Variants in LIMCH1 observed in about 807,000 individuals in gnomAD.
LIMCH1 encodes LIM and calponin homology domains-containing protein 1.
In LIMCH1, 113 loss-of-function variants were observed where a neutral mutation model predicts 176.5. The observed-to-expected ratio is 0.64, with a 90% CI of 0.55 to 0.75. LIMCH1 has a LOEUF of 0.75. LIMCH1 is among the 30% of genes least tolerant of loss of function. The pLI is 0.00. For missense variants in LIMCH1, 1,674 were observed against 1,814.9 expected, an observed-to-expected ratio of 0.92 and a Z score of 1.41; for synonymous variants, 619 against 645.9, an observed-to-expected ratio of 0.96 and a Z score of 0.63.
chr4:41,440,692 C>A (rs1368503733), intron 1 of LIMCH1, among the ~76,000 whole-genome samples: 1 of 152,048 alleles, frequency 6.6e-6, no homozygotes, highest in East Asian at 1.9e-4. Flanking sequence ...ACCACCGCGC[C>A]CGGCTAATTT....
intron 2 of LIMCH1, among the ~76,000 whole-genome samples, chr4:41,599,314 A>C (rs1423981329): frequency 2.6e-5 from 4 of 152,246 alleles, no homozygotes; most frequent in Non-Finnish European, 5.9e-5. Context: ...CAAGAAAGAA[A>C]TAGGCACAGA....
intron 1 of LIMCH1, among the ~76,000 whole-genome samples, chr4:41,452,469 C>T (rs1433383234): frequency 6.6e-6 from 1 of 152,206 alleles, no homozygotes; most frequent in Non-Finnish European, 1.5e-5. Flanking sequence ...ACTTATCCTT[C>T]TACCAGTGCT....
chr4:41,630,468 T>A (rs1413437813), intron 9 of LIMCH1, among the ~76,000 whole-genome samples: 2 of 152,248 alleles, frequency 1.3e-5, no homozygotes, highest in Non-Finnish European at 2.9e-5. Context: ...GTAAATAATT[T>A]AAACTTGACT....
intron 1 of LIMCH1, among the ~76,000 whole-genome samples, chr4:41,430,327 A>G (rs1347466273): frequency 6.6e-6 from 1 of 152,290 alleles, no homozygotes; most frequent in Admixed American, 6.5e-5. Flanking sequence ...CAGTGGTGCG[A>G]TCTTGGCTCA....
At chr4:41,670,854 T>C (rs2094992866) in intron 21 of LIMCH1, 2 of 1,527,870 alleles carry the variant, frequency 1.3e-6, no homozygotes, top group Admixed American at 2.0e-5. Context: ...GGGCGATCAA[T>C]GATGTGTGGC....
intron 1 of LIMCH1, among the ~76,000 whole-genome samples, chr4:41,590,615 C>T (rs549467214): frequency 4.6e-5 from 7 of 152,282 alleles, no homozygotes; most frequent in Non-Finnish European, 1.0e-4. Flanking sequence ...CTCCCATTTT[C>T]TCTTCTGTGA....
chr4:41,610,170 A>G (rs2091258942), intron 4 of LIMCH1, among the ~76,000 whole-genome samples: 1 of 152,248 alleles, frequency 6.6e-6, no homozygotes, highest in Admixed American at 6.5e-5. Flanking sequence ...TGAGAAAGCA[A>G]CTAACGCTCC....
At chr4:41,424,934 T>G (rs182862617) in intron 1 of LIMCH1, among the ~76,000 whole-genome samples, 4 of 152,340 alleles carry the variant, frequency 2.6e-5, no homozygotes, top group Admixed American at 2.6e-4. Flanking sequence ...GTCTTTGGTC[T>G]TCCTTCTGGG....
intron 2 of LIMCH1, among the ~76,000 whole-genome samples, chr4:41,501,857 C>CTTTT (rs71198662): frequency 3.9e-4 from 29 of 74,960 alleles, no homozygotes; most frequent in Non-Finnish European, 6.4e-4. Flanking sequence ...GTGTAGAATC[C>CTTTT]TTTTTTTTTT....
chr4:41,382,028 G>C (rs971031011), intron 1 of LIMCH1, among the ~76,000 whole-genome samples: 11 of 152,218 alleles, frequency 7.2e-5, no homozygotes, highest in African/African-American at 2.4e-4. Flanking sequence ...CTCTGATTGA[G>C]AACTTGTGCT....
chr4:41,513,666 T>C (rs1300555833), intron 2 of LIMCH1, among the ~76,000 whole-genome samples: 3 of 152,132 alleles, frequency 2.0e-5, no homozygotes, highest in Non-Finnish European at 4.4e-5. Context: ...CCTGGTGTGG[T>C]TGCTTGAATC....
chr4:41,666,980 G>A (rs1329535730), intron 21 of LIMCH1, among the ~76,000 whole-genome samples: 3 of 152,068 alleles, frequency 2.0e-5, no homozygotes, highest in Non-Finnish European at 2.9e-5. Flanking sequence ...GGTGGCATGC[G>A]CCTTTAGTCC....
chr4:41,605,120 G>A (rs1304692276), intron 3 of LIMCH1, among the ~76,000 whole-genome samples: 1 of 152,182 alleles, frequency 6.6e-6, no homozygotes, highest in African/African-American at 2.4e-5. Context: ...TGAATGTAAA[G>A]AGGATTTGCT....
rs2095221511 is a variant in LIMCH1, at chr4:41,676,432, A to G, written c.3489A>G (p.Lys1163=). The change falls in exon 23 of 32, where the codon AAA becomes AAG. Residue 1163 remains lysine, a synonymous_variant. Transcript: ENST00000503057. The part of the protein sequence containing the change: ...DPEEERRRQE[K]WQQEQERLLQ... ...AAGAGGAGCGCAGGCGACAGGAAAAATGGCAACAGGAACAGGAACGTTTGC... is the reference window on the plus strand; with the variant it reads ...AAGAGGAGCGCAGGCGACAGGAAAAGTGGCAACAGGAACAGGAACGTTTGC... The G allele has an allele frequency of 6.2e-7, 1 of 1,614,042 alleles. No homozygotes were observed. Among genetic ancestry groups the G allele is most frequent in the Admixed American group, 1.7e-5 (1 of 60,032 alleles).
intron 1 of LIMCH1, among the ~76,000 whole-genome samples, chr4:41,552,449 C>T (rs1000024): frequency 8.5e-5 from 13 of 152,058 alleles, no homozygotes; most frequent in African/African-American, 9.7e-5. Flanking sequence ...CCAGAAGGCT[C>T]GAATCATGAG....
At chr4:41,485,981 G>A (rs1160030864) in intron 1 of LIMCH1, among the ~76,000 whole-genome samples, 1 of 152,178 alleles carries the variant, frequency 6.6e-6, no homozygotes, top group African/African-American at 2.4e-5. Context: ...TTTGTTGATA[G>A]GTGTGGTTAG....
chr4:41,454,468 A>G lies in LIMCH1; in HGVS notation c.97-40068A>G, dbSNP rs577208620. Among the ~76,000 whole-genome samples the G allele has an allele frequency of 1.8e-4, 27 of 152,120 alleles. No homozygotes were observed. The South Asian group carries it at 4.8e-3, about 27-fold the overall frequency. On this transcript the variant is annotated intron_variant, in intron 1 of 26. Coordinates refer to the LIMCH1 transcript ENST00000313860. ...ATGAGGGGGAGAGAGAGAGAGAGAG[A>G]GAGAGGGAGAGAGAGAGAATGTGCA... is the stretch of plus-strand genomic sequence containing the variant.
At chr4:41,644,080 A>G (rs1322866036) in intron 14 of LIMCH1, among the ~76,000 whole-genome samples, 1 of 152,082 alleles carries the variant, frequency 6.6e-6, no homozygotes, top group Non-Finnish European at 1.5e-5. Context: ...ACTTCATGGA[A>G]CACCGCCCTC....
intron 2 of LIMCH1, among the ~76,000 whole-genome samples, chr4:41,509,596 G>A (rs2074602909): frequency 6.6e-6 from 1 of 152,106 alleles, no homozygotes; most frequent in African/African-American, 2.4e-5. Flanking sequence ...ATTTCAACCC[G>A]CTCCTTTTCT....
Sources: gnomAD v4.1 joint callset for allele counts (sites outside exome capture counted in the v4.1 genomes callset) on GRCh38, gnomAD v4.1.1 for gene constraint, MANE v1.5 for transcripts, NCBI Gene and HGNC (gene_info 2026-07-23, HGNC 2026-07-21) for gene names.